PABIR3: variants seen among roughly 807,000 people sequenced by gnomAD.
The protein encoded by PABIR3 is PABIR family member 3.
Under a neutral mutation model 23.1 loss-of-function variants are expected in PABIR3, and 20 were observed. That is an observed-to-expected ratio of 0.86 (90% CI 0.61 to 1.26). The LOEUF (loss-of-function observed/expected upper bound fraction) is 1.26. PABIR3 is among the 50% of genes most tolerant of loss of function. The pLI is 0.00. For synonymous variants in PABIR3, 69 were observed against 68.5 expected (o/e 1.01, Z -0.04); for missense variants, 189 against 195.4 (o/e 0.97, Z 0.20).
chrX:134,814,417 G>C (rs1013882187), intron 2 of PABIR3, among the ~76,000 whole-genome samples: 1 of 111,732 alleles, frequency 8.9e-6, no homozygotes, highest in Non-Finnish European at 1.9e-5. Flanking sequence ...GAATTTTGTG[G>C]CCGGGCATGG....
chrX:134,850,762 G>T (rs897048855), intron 9 of PABIR3, among the ~76,000 whole-genome samples: 4 of 111,944 alleles, frequency 3.6e-5, no homozygotes, highest in African/African-American at 9.7e-5. Context: ...TTTCTGCCCA[G>T]TGTCTTCGGA....
intron 2 of PABIR3, chrX:134,810,909 G>C (rs960023002): frequency 1.3e-6 from 1 of 752,311 alleles, no homozygotes; most frequent in Non-Finnish European, 1.6e-6. Flanking sequence ...ACATGCCTGA[G>C]GTCAGGGAAC....
At chrX:134,797,013 A>T (rs1311004705) in intron 1 of PABIR3, 1 of 112,898 alleles carries the variant, frequency 8.9e-6, no homozygotes, top group East Asian at 2.8e-4. Context: ...CGCCTCGAGG[A>T]CAGGTTGGGG....
chrX:134,812,245 A>G (rs769592098), intron 2 of PABIR3, among the ~76,000 whole-genome samples: 2 of 112,225 alleles, frequency 1.8e-5, no homozygotes, highest in Non-Finnish European at 3.8e-5. Context: ...TTATAGTCTT[A>G]CTAAAATTGG....
intron 4 of PABIR3, chrX:134,835,863 A>G (rs1241520101): frequency 3.6e-5 from 4 of 110,256 alleles, no homozygotes; most frequent in Non-Finnish European, 7.6e-5. Context: ...TCTGAGACGG[A>G]GTCTCGCTCT....
intron 4 of PABIR3, among the ~76,000 whole-genome samples, chrX:134,837,668 C>G (rs1350306793): frequency 8.9e-6 from 1 of 112,064 alleles, no homozygotes; most frequent in Non-Finnish European, 1.9e-5. Flanking sequence ...TAAACCATCT[C>G]AAATCCATTT....
intron 4 of PABIR3, 123 bp downstream of exon 4, chrX:134,829,405 C>T: frequency 1.9e-6 from 1 of 534,364 alleles, no homozygotes. Flanking sequence ...GTTTTTATTT[C>T]TAGGAATGAT....
chrX:134,827,754 CTGAG>C (rs1208379749), intron 3 of PABIR3, among the ~76,000 whole-genome samples: 7 of 110,208 alleles, frequency 6.4e-5, no homozygotes, highest in Non-Finnish European at 1.3e-4. Context: ...TCCTCTCTGC[CTGAG>C]TGTTTCCTCT....
At chrX:134,842,151 T>G in intron 4 of PABIR3, among the ~76,000 whole-genome samples, 1 of 112,064 alleles carries the variant, frequency 8.9e-6, no homozygotes. Context: ...TTCAGTCTCT[T>G]TACTCATATT....
chrX:134,814,060 G>A (rs2080830071), intron 2 of PABIR3, among the ~76,000 whole-genome samples: 1 of 110,183 alleles, frequency 9.1e-6, no homozygotes, highest in Admixed American at 9.7e-5. Context: ...AAACACATCT[G>A]TGAAAAATCT....
chrX:134,810,795 C>T lies in PABIR3; in HGVS notation c.110+3087C>T. On this transcript the variant is annotated intron_variant, in intron 2 of 10. Transcript: ENST00000645433. The stretch of plus-strand genomic sequence containing the variant: ...ATTCTTTTCAGAAAGGTGAAAGTCA[C>T]TAGCATATTTCTTTAGTAGGAATTA... 5.3e-6 allele frequency: 4 copies of T among 753,081 alleles called. No individual in the cohort carries two copies. The African/African-American group carries it at 6.9e-5, about 13-fold the overall frequency. 62.1% of individuals were successfully genotyped at this position (753,081 alleles called of 1,213,427 possible). A position where few individuals can be genotyped will look rare whatever the true frequency, so the allele number is the denominator to read the frequency against.
rs746340718 is a variant in PABIR3, at chrX:134,823,770, TG to T, written c.190-5455del. ...ATCTCCAACACTGTATAAATCACAATGTTTTCTGCTTGCTTTGAAAGTTTGA... is the reference window on the plus strand; with the variant it reads ...ATCTCCAACACTGTATAAATCACAATTTTTCTGCTTGCTTTGAAAGTTTGA... On this transcript the variant is annotated intron_variant, in intron 3 of 10. Coordinates refer to ENST00000645433, the MANE Select transcript of PABIR3 (RefSeq NM_001388447.1). Among the ~76,000 whole-genome samples the T allele has an allele frequency of 2.1e-3, 234 of 111,003 alleles. 1 individual carries two copies. The highest frequency in any genetic ancestry group is 4.6e-3 in the Middle Eastern group (1 of 216).
intron 3 of PABIR3, among the ~76,000 whole-genome samples, chrX:134,820,915 G>A (rs995440270): frequency 1.4e-4 from 15 of 108,169 alleles, no homozygotes; most frequent in African/African-American, 4.7e-4. Flanking sequence ...CCAGTTACTT[G>A]GGAGGCTGAG....
chrX:134,810,867 C>T, intron 2 of PABIR3: 2 of 749,827 alleles, frequency 2.7e-6, no homozygotes, highest in Non-Finnish European at 1.6e-6. Context: ...ACTCCAGTCC[C>T]TCAGAAAGAA....
rs749821570 is a variant in PABIR3, at chrX:134,852,756, C to T, written c.590-44C>T. ...CTTTTGCAATTAAAATAATAATAAA[C>T]ATGTTAAATAAAACATCTACCTTGA... On this transcript the variant is annotated intron_variant, in intron 9 of 10. Coordinates refer to ENST00000645433, the MANE Select transcript of PABIR3 (RefSeq NM_001388447.1). 4 of 744,581 alleles carry T rather than the reference C, an allele frequency of 5.4e-6. No homozygotes were observed. In the South Asian group the frequency reaches 1.7e-4, roughly 31 times the overall value. The allele number at this position is 744,581 out of a possible 1,213,427, so 61.4% of individuals were successfully genotyped here. A position where few individuals can be genotyped will look rare whatever the true frequency, so the allele number is the denominator to read the frequency against.
the PABIR3 span, among the ~76,000 whole-genome samples, chrX:134,864,089 T>C: frequency 9.0e-6 from 1 of 111,486 alleles, no homozygotes; most frequent in Non-Finnish European, 1.9e-5. Context: ...CTCACTTTGT[T>C]GCCCAGGCTC....
the PABIR3 span, among the ~76,000 whole-genome samples, chrX:134,861,673 C>CA: frequency 0.055 from 1,685 of 30,744 alleles, 50 homozygotes; most frequent in African/African-American, 0.099. Context: ...GACTCCGCCT[C>CA]AAAAAAAAAA....
At chrX:134,813,031 A>G (rs2080762147) in intron 2 of PABIR3, among the ~76,000 whole-genome samples, 1 of 111,819 alleles carries the variant, frequency 8.9e-6, no homozygotes, top group African/African-American at 3.2e-5. Flanking sequence ...TGAGATTGTT[A>G]TTCTCTTATT....
At chrX:134,829,721 C>T (rs2081677342) in intron 4 of PABIR3, among the ~76,000 whole-genome samples, 1 of 111,181 alleles carries the variant, frequency 9.0e-6, no homozygotes, top group South Asian at 3.8e-4. Context: ...ATTTTGTGCC[C>T]ATGTGCACGC....
Sources: allele counts gnomAD v4.1 joint callset (sites outside exome capture counted in the v4.1 genomes callset), GRCh38; gene constraint gnomAD v4.1.1; transcripts MANE v1.5; gene names NCBI Gene and HGNC (gene_info 2026-07-23, HGNC 2026-07-21).